The following NOS1AP variants were observed in gnomAD, a reference collection of about 807,000 sequenced individuals.
NOS1AP encodes carboxyl-terminal PDZ ligand of neuronal nitric oxide synthase protein.
Under a neutral mutation model 56.2 loss-of-function variants are expected in NOS1AP, and 21 were observed. The ratio of observed to expected loss-of-function variants is 0.37; its 90% CI spans 0.26 to 0.54. NOS1AP has a LOEUF of 0.54. Among genes scored for constraint, NOS1AP ranks in the 20% least tolerant of loss-of-function variants. The pLI is 0.84. For missense variants in NOS1AP, 522 were observed against 657.8 expected (o/e 0.79, Z 2.26); for synonymous variants, 270 against 274.6 (o/e 0.98, Z 0.17).
intron 1 of NOS1AP, among the ~76,000 whole-genome samples, chr1:162,140,808 G>A (rs1401787810): frequency 6.6e-6 from 1 of 151,982 alleles, no homozygotes; most frequent in African/African-American, 2.4e-5. Flanking sequence ...ACCGACATCC[G>A]TAATTTTTTG....
Position 162,070,045 on chromosome 1 carries a change from G to A in NOS1AP, c.-133G>A, listed in dbSNP as rs757132488. The A allele has an allele frequency of 2.4e-3, 1,432 of 589,062 alleles. 6 individuals are homozygous for A. The highest frequency in any genetic ancestry group is 3.3e-3 in the Non-Finnish European group (1,171 of 353,950). The allele number at this position is 589,062 out of a possible 1,614,324, so 36.5% of individuals were successfully genotyped here. On this transcript the variant is annotated 5_prime_UTR_variant, in exon 1 of 10. Transcript: ENST00000361897. ...CCGGGTCCGGCCGCCGCGCGGCCAG[G>A]GCTCCCCCTGCCCAGCGCTCCCAGG... is the stretch of plus-strand genomic sequence containing the variant.
intron 1 of NOS1AP, among the ~76,000 whole-genome samples, chr1:162,081,051 T>G (rs1691875169): frequency 6.6e-6 from 1 of 152,200 alleles, no homozygotes. Context: ...TTAACTCTTG[T>G]GCTGTATGTC....
At chr1:162,078,372 C>A (rs777279307) in intron 1 of NOS1AP, among the ~76,000 whole-genome samples, 10 of 152,126 alleles carry the variant, frequency 6.6e-5, no homozygotes, top group Non-Finnish European at 1.3e-4. Context: ...TTAAAGTACC[C>A]CTTGTATTCT....
At chr1:162,159,986 G>C (rs908684036) in intron 2 of NOS1AP, among the ~76,000 whole-genome samples, 1 of 152,158 alleles carries the variant, frequency 6.6e-6, no homozygotes, top group Non-Finnish European at 1.5e-5. Context: ...AGTGCTGTCC[G>C]TGAGGCTGGA....
At chr1:162,202,952 A>G (rs1652043363) in intron 2 of NOS1AP, among the ~76,000 whole-genome samples, 2 of 152,152 alleles carry the variant, frequency 1.3e-5, no homozygotes. Context: ...CCCATCAGTA[A>G]GAGTGTTGGC....
intron 4 of NOS1AP, among the ~76,000 whole-genome samples, chr1:162,320,994 A>AAG (rs1233810799): frequency 2.6e-5 from 4 of 152,192 alleles, no homozygotes; most frequent in Admixed American, 2.0e-4. Flanking sequence ...CAGTCCTTTA[A>AAG]AAAGCAGCAA....
chr1:162,083,984 T>G (rs1469703372), intron 1 of NOS1AP, among the ~76,000 whole-genome samples: 2 of 152,190 alleles, frequency 1.3e-5, no homozygotes, highest in African/African-American at 4.8e-5. Flanking sequence ...GTACTCCTAG[T>G]GATTTTGATT....
intron 4 of NOS1AP, among the ~76,000 whole-genome samples, chr1:162,322,409 G>A (rs1301782492): frequency 6.6e-6 from 1 of 152,196 alleles, no homozygotes; most frequent in Non-Finnish European, 1.5e-5. Flanking sequence ...TGGGAAGCTT[G>A]GGGAAGGAGG....
intron 3 of NOS1AP, among the ~76,000 whole-genome samples, chr1:162,289,229 C>A (rs867239850): frequency 2.7e-4 from 6 of 21,874 alleles, no homozygotes; most frequent in Non-Finnish European, 5.0e-4. Context: ...TCCTTCCTTC[C>A]TTCCTTCCTT....
At chr1:162,230,019 G>T (rs1653072670) in intron 2 of NOS1AP, among the ~76,000 whole-genome samples, 2 of 152,096 alleles carry the variant, frequency 1.3e-5, no homozygotes, top group African/African-American at 2.4e-5. Context: ...TGGGTAAAAA[G>T]AACTTTAAAG....
At chr1:162,189,876 A>C (rs1056448731) in intron 2 of NOS1AP, among the ~76,000 whole-genome samples, 4 of 152,138 alleles carry the variant, frequency 2.6e-5, no homozygotes, top group Admixed American at 1.3e-4. Flanking sequence ...GCTTGCCAAG[A>C]TCTGTTCATG....
At chr1:162,343,387 G>T (rs1657173719) in intron 5 of NOS1AP, among the ~76,000 whole-genome samples, 1 of 152,166 alleles carries the variant, frequency 6.6e-6, no homozygotes. Flanking sequence ...TTAGGCCATG[G>T]CTTCCAAGCC....
At chr1:162,338,828 C>A (rs1471419679) in intron 5 of NOS1AP, 2 of 152,166 alleles carry the variant, frequency 1.3e-5, no homozygotes, top group Non-Finnish European at 2.9e-5. Context: ...CTTTTGTTTG[C>A]TTTCGGGTGT....
At chr1:162,227,876 A>T (rs922056972) in intron 2 of NOS1AP, among the ~76,000 whole-genome samples, 7 of 152,220 alleles carry the variant, frequency 4.6e-5, no homozygotes, top group African/African-American at 1.4e-4. Context: ...AAACAAGATA[A>T]TTTAAACCCT....
chr1:162,201,304 T>C (rs1340661067), intron 2 of NOS1AP, among the ~76,000 whole-genome samples: 4 of 152,224 alleles, frequency 2.6e-5, no homozygotes, highest in Admixed American at 2.6e-4. Flanking sequence ...TATCCTGTAG[T>C]CTATCATATC....
intron 8 of NOS1AP, among the ~76,000 whole-genome samples, chr1:162,362,806 T>C (rs1242881502): frequency 2.0e-5 from 3 of 152,226 alleles, no homozygotes; most frequent in African/African-American, 2.4e-5. Flanking sequence ...CCAAATAGAT[T>C]TGGGGGACCC....
At chr1:162,287,295 A>G (rs750810512) in intron 2 of NOS1AP, 49 bp from the exon 3 acceptor site, 7 of 1,344,428 alleles carry the variant, frequency 5.2e-6, no homozygotes, top group Non-Finnish European at 7.5e-6. Context: ...GTATAGATGC[A>G]CTGATCTCAT....
intron 1 of NOS1AP, among the ~76,000 whole-genome samples, chr1:162,138,039 G>C (rs1649079258): frequency 1.3e-5 from 2 of 152,140 alleles, no homozygotes; most frequent in African/African-American, 4.8e-5. Context: ...CCAGGAAACA[G>C]GATACATTGA....
intron 2 of NOS1AP, among the ~76,000 whole-genome samples, chr1:162,240,420 C>T (rs1367285142): frequency 6.6e-6 from 1 of 152,186 alleles, no homozygotes; most frequent in Non-Finnish European, 1.5e-5. Flanking sequence ...TACATTCTGC[C>T]CAAGCCCAGG....
Sources: gnomAD v4.1 joint callset for allele counts (sites outside exome capture counted in the v4.1 genomes callset) on GRCh38, gnomAD v4.1.1 for gene constraint, MANE v1.5 for transcripts, NCBI Gene and HGNC (gene_info 2026-07-23, HGNC 2026-07-21) for gene names.